The following RABGAP1L variants were observed in gnomAD, a reference collection of about 807,000 sequenced individuals.
The protein encoded by RABGAP1L is RAB GTPase activating protein 1 like, also known as rab GTPase-activating protein 1-like.
A neutral mutation model predicts 137.7 loss-of-function variants in RABGAP1L; 63 were observed. That is an observed-to-expected ratio of 0.46 (90% confidence interval 0.37 to 0.56). The LOEUF (loss-of-function observed/expected upper bound fraction) is 0.56, where lower values mean the gene tolerates loss of function less well. Ranked by LOEUF, RABGAP1L falls within the 20% of genes least tolerant of loss-of-function variation. The pLI, the probability that RABGAP1L is intolerant of heterozygous loss-of-function variation, is 0.00. For missense variants in RABGAP1L, 1,095 were observed against 1,244.0 expected (o/e 0.88, Z 1.80); for synonymous variants, 431 against 433.7 (o/e 0.99, Z 0.08).
chr1:174,604,399 C>T (rs1670630874), intron 13 of RABGAP1L, among the ~76,000 whole-genome samples: 1 of 152,188 alleles, frequency 6.6e-6, no homozygotes, highest in East Asian at 1.9e-4. Context: ...CTCTCTGTGC[C>T]ATGCAGCTAA....
intron 19 of RABGAP1L, among the ~76,000 whole-genome samples, chr1:174,833,191 C>T (rs1342670713): frequency 1.3e-5 from 2 of 151,482 alleles, no homozygotes; most frequent in African/African-American, 4.8e-5. Flanking sequence ...ATTTATCAGT[C>T]GCATAATGTA....
At chr1:174,489,998 G>C (rs1172117381) in intron 13 of RABGAP1L, among the ~76,000 whole-genome samples, 1 of 151,936 alleles carries the variant, frequency 6.6e-6, no homozygotes, top group African/African-American at 2.4e-5. Flanking sequence ...GAGTTATCTT[G>C]AATTTCTTTG....
chr1:174,822,591 T>C (rs1691148494), intron 19 of RABGAP1L, among the ~76,000 whole-genome samples: 2 of 152,166 alleles, frequency 1.3e-5, no homozygotes, highest in Admixed American at 1.3e-4. Flanking sequence ...AATTTTTCCA[T>C]GGTGGAGGGG....
intron 22 of RABGAP1L, among the ~76,000 whole-genome samples, chr1:174,978,325 GTCTTT>G (rs1373610957): frequency 6.6e-6 from 1 of 151,952 alleles, no homozygotes; most frequent in Non-Finnish European, 1.5e-5. Flanking sequence ...ATCTTCCCCC[GTCTTT>G]TCTAACTCTA....
intron 13 of RABGAP1L, among the ~76,000 whole-genome samples, chr1:174,395,721 A>G (rs12084291): frequency 0.35 from 53,469 of 151,756 alleles, 12,065 homozygotes; most frequent in African/African-American, 0.64. Context: ...GTGGTGGCAT[A>G]TGCCTGGAGT....
intron 19 of RABGAP1L, among the ~76,000 whole-genome samples, chr1:174,842,835 T>G (rs1438462555): frequency 6.6e-6 from 1 of 152,324 alleles, no homozygotes; most frequent in South Asian, 2.1e-4. Context: ...ATATAATCAC[T>G]AAATTTCATT....
chr1:174,838,490 G>A (rs1008110589), intron 19 of RABGAP1L, among the ~76,000 whole-genome samples: 3 of 152,146 alleles, frequency 2.0e-5, no homozygotes, highest in Non-Finnish European at 2.9e-5. Flanking sequence ...CAGATTTAAC[G>A]ACCTAGTACA....
rs1336706741 is a variant in RABGAP1L, at chr1:174,176,736, A to ATAAAAT, written c.-34+17079_-34+17080insTAAAAT. On this transcript the variant is annotated intron_variant, in intron 1 of 25. Transcript: ENST00000681986. ...CAGAAAAAAAAAAAAAAAAAAAAAA[A>ATAAAAT]AAAAAAAAAAGGTCAACATTTGTTA... is the stretch of plus-strand genomic sequence containing the variant. Among the ~76,000 whole-genome samples the ATAAAAT allele has an allele frequency of 3.4e-4, 28 of 82,768 alleles. 1 individual carries two copies. Among genetic ancestry groups the ATAAAAT allele is most frequent in the South Asian group, 2.1e-3 (6 of 2,792 alleles). 54.3% of individuals were successfully genotyped at this position (82,768 alleles called of 152,430 possible).
rs190556600 is a variant in RABGAP1L, at chr1:174,646,591, C to T, written c.1824+9103C>T. Reference sequence around the variant, plus strand: ...CTATATATCTGTTTTGATACCAGTACCATGCTGTTTTCGTTACTGTAGCCT... The same window carrying T: ...CTATATATCTGTTTTGATACCAGTATCATGCTGTTTTCGTTACTGTAGCCT... On this transcript the variant is annotated intron_variant, in intron 14 of 25. Coordinates refer to ENST00000681986, the MANE Select transcript of RABGAP1L (RefSeq NM_001366446.1). Among the ~76,000 whole-genome samples the T allele has an allele frequency of 7.2e-4, 109 of 152,242 alleles. 1 individual carries two copies. The highest frequency in any genetic ancestry group is 2.4e-3 in the African/African-American group (101 of 41,522).
intron 13 of RABGAP1L, among the ~76,000 whole-genome samples, chr1:174,435,238 G>A (rs1395662423): frequency 6.6e-6 from 1 of 152,080 alleles, no homozygotes; most frequent in Non-Finnish European, 1.5e-5. Flanking sequence ...GGCTTGTCTT[G>A]AACTCCTGGG....
At chr1:174,272,514 A>C in intron 8 of RABGAP1L, 34 bp downstream of exon 8, 1 of 1,458,240 alleles carries the variant, frequency 6.9e-7, no homozygotes, top group Non-Finnish European at 9.0e-7. Context: ...AACCAAGTAT[A>C]GATGATAGTT....
chr1:174,193,843 A>G (rs1318441951), intron 1 of RABGAP1L, among the ~76,000 whole-genome samples: 1 of 152,200 alleles, frequency 6.6e-6, no homozygotes, highest in African/African-American at 2.4e-5. Flanking sequence ...GTAAAACATG[A>G]TATTTTGATA....
intron 13 of RABGAP1L, among the ~76,000 whole-genome samples, chr1:174,634,830 C>G (rs1020399554): frequency 3.5e-5 from 5 of 141,592 alleles, no homozygotes; most frequent in Non-Finnish European, 7.5e-5. Context: ...GGGAATTGAA[C>G]AATGAGATCA....
rs1410366001 is a variant in RABGAP1L at position 174,349,486 on chromosome 1, G to T, written c.1466-21493G>T. Among the ~76,000 whole-genome samples, 6 of 135,154 alleles carry T rather than the reference G, an allele frequency of 4.4e-5. No homozygotes were observed. The East Asian group carries it at 7.4e-4, about 17-fold the overall frequency. The allele number at this position is 135,154 out of a possible 152,430, so 88.7% of individuals were successfully genotyped here. A position where few individuals can be genotyped will look rare whatever the true frequency, so the allele number is the denominator to read the frequency against. ...CCCCCCCACCTCCCTCCCAGACAGGGCGGCTGGCCGGGCAGAGGGGCTCCT... is the reference window on the plus strand; with the variant it reads ...CCCCCCCACCTCCCTCCCAGACAGGTCGGCTGGCCGGGCAGAGGGGCTCCT... On this transcript the variant is annotated intron_variant, in intron 11 of 25. Transcript: ENST00000681986.
chr1:174,490,996 C>G (rs146713543), intron 13 of RABGAP1L, among the ~76,000 whole-genome samples: 6 of 152,302 alleles, frequency 3.9e-5, no homozygotes, highest in African/African-American at 1.4e-4. Context: ...ATGGCAGACT[C>G]AGAAATGCCA....
intron 17 of RABGAP1L, among the ~76,000 whole-genome samples, chr1:174,724,209 C>T (rs1681807478): frequency 6.6e-6 from 1 of 152,098 alleles, no homozygotes; most frequent in South Asian, 2.1e-4. Context: ...TAGCCATTTA[C>T]ATGATGTGGC....
chr1:174,532,921 A>ATC (rs2147895310), intron 13 of RABGAP1L, among the ~76,000 whole-genome samples: 1 of 152,356 alleles, frequency 6.6e-6, no homozygotes, highest in Admixed American at 6.5e-5. Context: ...ATATCCATGT[A>ATC]TCCACAACTA....
At chr1:174,985,141 G>A (rs1255651403) in intron 24 of RABGAP1L, among the ~76,000 whole-genome samples, 2 of 152,228 alleles carry the variant, frequency 1.3e-5, no homozygotes, top group Non-Finnish European at 2.9e-5. Flanking sequence ...AACACTTTGG[G>A]GAGGCTGAGG....
rs569943476 is a variant in RABGAP1L at position 174,736,964 on chromosome 1, A to G, written c.2170-15349A>G. On this transcript the variant is annotated intron_variant, in intron 17 of 25. Transcript: ENST00000681986. ...TCTTTCTTCCTAGGCCTCTCTTCCT[A>G]TGATGGGAGGGGCTGTCTCCAAGAT... Among the ~76,000 whole-genome samples, 6 of 152,274 alleles carry G rather than the reference A, an allele frequency of 3.9e-5. No individual in the cohort carries two copies. The South Asian group carries it at 1.2e-3, about 32-fold the overall frequency.
Sources: allele counts gnomAD v4.1 joint callset (sites outside exome capture counted in the v4.1 genomes callset), GRCh38; gene constraint gnomAD v4.1.1; transcripts MANE v1.5; gene names NCBI Gene and HGNC (gene_info 2026-07-23, HGNC 2026-07-21).